Variants in LRBA observed in about 807,000 individuals in gnomAD.
LRBA encodes LPS responsive beige-like anchor protein.
LRBA carries 176 observed loss-of-function variants against 330.0 expected under a neutral mutation model. The observed-to-expected ratio is 0.53, with a 90% CI of 0.47 to 0.60. The LOEUF (loss-of-function observed/expected upper bound fraction) is 0.60. LRBA is among the 20% of genes least tolerant of loss of function. The pLI, the probability that LRBA is intolerant of heterozygous loss-of-function variation, is 0.00. For missense variants in LRBA, 3,259 were observed against 3,444.8 expected, an observed-to-expected ratio of 0.95 and a Z score of 1.35; for synonymous variants, 1,230 against 1,193.0, an observed-to-expected ratio of 1.03 and a Z score of -0.64.
At chr4:150,588,693 C>A (rs1045457261) in intron 39 of LRBA, among the ~76,000 whole-genome samples, 1 of 152,170 alleles carries the variant, frequency 6.6e-6, no homozygotes, top group African/African-American at 2.4e-5. Flanking sequence ...TTTATGCCAG[C>A]TTGACACAAA....
intron 17 of LRBA, among the ~76,000 whole-genome samples, chr4:150,873,995 T>G (rs1394621987): frequency 1.3e-5 from 2 of 152,190 alleles, no homozygotes; most frequent in Non-Finnish European, 2.9e-5. Flanking sequence ...AGGAAAATAC[T>G]AATATGTTGT....
At chr4:150,652,799 G>C (rs997688936) in intron 37 of LRBA, among the ~76,000 whole-genome samples, 1 of 152,064 alleles carries the variant, frequency 6.6e-6, no homozygotes, top group Non-Finnish European at 1.5e-5. Flanking sequence ...AACCATACTA[G>C]ACTGCACAGT....
intron 31 of LRBA, among the ~76,000 whole-genome samples, chr4:150,815,941 T>A (rs906960259): frequency 6.6e-6 from 1 of 151,970 alleles, no homozygotes; most frequent in Non-Finnish European, 1.5e-5. Context: ...TAAATACATT[T>A]AAAACTTCTT....
Position 150,282,306 on chromosome 4 carries a change from G to A in LRBA, c.8316+144C>T, listed in dbSNP as rs1747635209. 4.4e-6 allele frequency: 3 copies of A among 679,878 alleles called. No individual in the cohort carries two copies. In the Admixed American group the frequency reaches 8.1e-5, roughly 18 times the overall value. 42.1% of individuals were successfully genotyped at this position (679,878 alleles called of 1,614,324 possible). ...TGAAGTGTGTGAGCCTTGTCTGAGT[G>A]CTACCTAAAGATTTTTTGTTGGTAT... On this transcript the variant is annotated intron_variant, in intron 55 of 56. Coordinates refer to ENST00000651943, the MANE Select transcript of LRBA (RefSeq NM_001364905.1).
At chr4:150,328,355 T>C (rs902333119) in intron 48 of LRBA, among the ~76,000 whole-genome samples, 2 of 152,138 alleles carry the variant, frequency 1.3e-5, no homozygotes, top group African/African-American at 4.8e-5. Context: ...AAGAGAGGTA[T>C]TGATTTTGGT....
At chr4:150,455,522 T>C (rs1753953285) in intron 44 of LRBA, among the ~76,000 whole-genome samples, 1 of 152,112 alleles carries the variant, frequency 6.6e-6, no homozygotes, top group Admixed American at 6.6e-5. Context: ...CTCAATGTTT[T>C]TTAATTTTTA....
chr4:150,828,398 A>G lies in LRBA; in HGVS notation c.4953T>C (p.Ser1651=). 6.2e-7 allele frequency: 1 copy of G among 1,614,008 alleles called. No individual in the cohort carries two copies. Among genetic ancestry groups the G allele is most frequent in the Non-Finnish European group, 8.5e-7 (1 of 1,179,996 alleles). Residue 1651 remains serine (S), a synonymous_variant, in exon 30 of 57, where the codon TCT becomes TCC. Transcript: ENST00000651943. ...TTCCTCTATCATTTTTGGTTTCCGGAGACTTATTGACTTCTAAAGAAAGAG... is the reference window on the plus strand; with the variant it reads ...TTCCTCTATCATTTTTGGTTTCCGGGGACTTATTGACTTCTAAAGAAAGAG... ...LSTLSLEVNK[S]PETKNDRGND...
chr4:150,326,398 G>A (rs1393404208), intron 48 of LRBA, among the ~76,000 whole-genome samples: 1 of 152,140 alleles, frequency 6.6e-6, no homozygotes, highest in Non-Finnish European at 1.5e-5. Context: ...ATTGTTGACT[G>A]TCTCTTTGAA....
intron 36 of LRBA, among the ~76,000 whole-genome samples, chr4:150,723,076 G>A (rs1306278623): frequency 6.6e-6 from 1 of 152,120 alleles, no homozygotes; most frequent in East Asian, 1.9e-4. Context: ...GCCTCGCCAC[G>A]CAGGCTAAAG....
In LRBA at chr4:150,976,847, G is replaced by C. The variant is rs1211297336; in HGVS notation, c.216+37580C>G. ...CGACTGTGGGATCCTGCATTGAACA[G>C]TGCTGCCCTGTCACAGCGGAAAGCA... On this transcript the variant is annotated intron_variant, in intron 2 of 56. Coordinates refer to ENST00000651943, the MANE Select transcript of LRBA (RefSeq NM_001364905.1). Among the ~76,000 whole-genome samples the C allele has an allele frequency of 2.6e-5, 4 of 152,304 alleles. 1 individual carries two copies. In the South Asian group the frequency reaches 8.3e-4, roughly 32 times the overall value.
chr4:150,517,739 T>C (rs1380881624), intron 40 of LRBA, among the ~76,000 whole-genome samples: 2 of 152,204 alleles, frequency 1.3e-5, no homozygotes, highest in Non-Finnish European at 2.9e-5. Flanking sequence ...TTTTTTTCTA[T>C]GTCATATTAA....
intron 2 of LRBA, among the ~76,000 whole-genome samples, chr4:151,008,697 G>A (rs924964179): frequency 4.6e-5 from 7 of 151,622 alleles, no homozygotes; most frequent in East Asian, 2.0e-4. Flanking sequence ...CCTCTAGGCT[G>A]GGCGCAGTGG....
intron 17 of LRBA, among the ~76,000 whole-genome samples, chr4:150,889,655 C>A (rs535398040): frequency 1.3e-5 from 2 of 152,278 alleles, no homozygotes; most frequent in Non-Finnish European, 1.5e-5. Flanking sequence ...TAATGCACTT[C>A]AATCATCCTG....
At chr4:150,375,210 G>A (rs1741078969) in intron 47 of LRBA, among the ~76,000 whole-genome samples, 1 of 152,202 alleles carries the variant, frequency 6.6e-6, no homozygotes, top group African/African-American at 2.4e-5. Context: ...CAGGAAGCGG[G>A]AGCAAGAAAA....
chr4:150,436,228 A>G (rs1176952193), intron 45 of LRBA, among the ~76,000 whole-genome samples: 1 of 152,192 alleles, frequency 6.6e-6, no homozygotes, highest in East Asian at 1.9e-4. Context: ...AGCTTTAATT[A>G]ATGATGTGCT....
chr4:150,267,556 C>T (rs1005372130), intron 56 of LRBA, among the ~76,000 whole-genome samples: 2 of 152,150 alleles, frequency 1.3e-5, no homozygotes, highest in Non-Finnish European at 2.9e-5. Context: ...GCTGTAAACA[C>T]ATAGATTTAA....
chr4:150,724,035 C>A (rs1009138124), intron 36 of LRBA, among the ~76,000 whole-genome samples: 1 of 152,184 alleles, frequency 6.6e-6, no homozygotes, highest in Non-Finnish European at 1.5e-5. Flanking sequence ...GGCATAATGA[C>A]AGTAGAATAG....
chr4:150,296,168 C>T (rs939987795), intron 53 of LRBA, among the ~76,000 whole-genome samples: 1 of 152,142 alleles, frequency 6.6e-6, no homozygotes. Context: ...TCCTCCTTAA[C>T]ATTTTTAATG....
At chr4:150,413,004 C>G (rs58062045) in intron 47 of LRBA, among the ~76,000 whole-genome samples, 4 of 151,598 alleles carry the variant, frequency 2.6e-5, no homozygotes, top group African/African-American at 9.7e-5. Context: ...AGATCTCTTA[C>G]AATTCACTAA....
Sources: gnomAD v4.1 joint callset for allele counts (sites outside exome capture counted in the v4.1 genomes callset) on GRCh38, gnomAD v4.1.1 for gene constraint, MANE v1.5 for transcripts, NCBI Gene and HGNC (gene_info 2026-07-23, HGNC 2026-07-21) for gene names.